TMCC1: variants seen among roughly 807,000 people sequenced by gnomAD.
The protein encoded by TMCC1 is transmembrane and coiled-coil domain family 1, also known as transmembrane and coiled-coil domains protein 1.
A neutral mutation model predicts 52.4 loss-of-function variants in TMCC1; 15 were observed. The observed-to-expected ratio is 0.29, with a 90% CI of 0.19 to 0.44. The LOEUF is 0.44. TMCC1 is among the 20% of genes least tolerant of loss of function. The probability of loss-of-function intolerance (pLI) is 1.00; values close to 1 mark genes in which losing one functional copy is unlikely to be tolerated. For missense variants in TMCC1, 503 were observed against 806.0 expected, an observed-to-expected ratio of 0.62 and a Z score of 4.55; for synonymous variants, 279 against 301.9, an observed-to-expected ratio of 0.92 and a Z score of 0.79.
chr3:129,786,297 C>T (rs1192288673), intron 4 of TMCC1, among the ~76,000 whole-genome samples: 2 of 152,106 alleles, frequency 1.3e-5, no homozygotes, highest in Admixed American at 1.3e-4. Context: ...TCCCTCTCAA[C>T]AAAATATTAT....
chr3:129,666,155 A>T (rs2108874934), intron 5 of TMCC1, among the ~76,000 whole-genome samples: 1 of 152,338 alleles, frequency 6.6e-6, no homozygotes, highest in African/African-American at 2.4e-5. Flanking sequence ...CCTACAACAG[A>T]GTAGAAGTAG....
chr3:129,859,104 A>G (rs1339243830), intron 2 of TMCC1, among the ~76,000 whole-genome samples: 1 of 152,234 alleles, frequency 6.6e-6, no homozygotes, highest in African/African-American at 2.4e-5. Context: ...TTGACTGCTC[A>G]TAGTATAATT....
At chr3:129,707,907 G>A (rs1051829763) in intron 4 of TMCC1, among the ~76,000 whole-genome samples, 2 of 151,818 alleles carry the variant, frequency 1.3e-5, no homozygotes, top group Non-Finnish European at 2.9e-5. Flanking sequence ...ACTCCAGCCT[G>A]GCGACAGAGC....
chr3:129,774,030 T>C (rs1249568455), intron 4 of TMCC1, among the ~76,000 whole-genome samples: 1 of 152,220 alleles, frequency 6.6e-6, no homozygotes, highest in Non-Finnish European at 1.5e-5. Flanking sequence ...AGTTGTCATA[T>C]TGGCACAACA....
chr3:129,751,392 T>C (rs1294162646), intron 4 of TMCC1, among the ~76,000 whole-genome samples: 1 of 151,824 alleles, frequency 6.6e-6, no homozygotes, highest in Non-Finnish European at 1.5e-5. Flanking sequence ...TAGCTGGGCA[T>C]GGTGGCAAGT....
intron 4 of TMCC1, among the ~76,000 whole-genome samples, chr3:129,735,556 G>A (rs537650265): frequency 1.3e-4 from 19 of 151,950 alleles, no homozygotes; most frequent in African/African-American, 4.1e-4. Context: ...GGCTGAGGCG[G>A]GAGGATCTCT....
chr3:129,816,148 AC>A (rs2058085275), intron 4 of TMCC1, among the ~76,000 whole-genome samples: 1 of 152,192 alleles, frequency 6.6e-6, no homozygotes, highest in South Asian at 2.1e-4. Flanking sequence ...GTAAATTAGT[AC>A]AGCCACTATG....
chr3:129,651,625 A>C lies in TMCC1; in HGVS notation c.1818T>G (p.Thr606=). Residue 606 remains threonine (T), a synonymous_variant, in exon 7 of 7, where the codon ACT becomes ACG. Coordinates refer to ENST00000393238, the MANE Select transcript of TMCC1 (RefSeq NM_001017395.5). This position sits in a 1 kb window ranked among gnomAD's most constrained non-coding sequence, Gnocchi z 5.1. ...TGAGGGGGACCACACAGTTGGCTAC[A>C]GTGGAGACAAAGACCAAAAGGACTG... is the stretch of plus-strand genomic sequence containing the variant. ...VMAVLLVFVS[T]VANCVVPLMK... 6.2e-7 allele frequency: 1 copy of C among 1,614,258 alleles called. No individual in the cohort carries two copies.
chr3:129,842,755 C>T (rs995152636), intron 2 of TMCC1, among the ~76,000 whole-genome samples: 11 of 152,052 alleles, frequency 7.2e-5, no homozygotes, highest in Non-Finnish European at 1.5e-4. Flanking sequence ...AGGAAAGTGC[C>T]TCCAAATATG....
chr3:129,715,281 A>G (rs2048991310), intron 4 of TMCC1, among the ~76,000 whole-genome samples: 1 of 152,196 alleles, frequency 6.6e-6, no homozygotes, highest in Admixed American at 6.5e-5. Flanking sequence ...CTCTCTGGCC[A>G]GGCGCGGTGG....
chr3:129,698,251 C>T (rs1380011144), intron 4 of TMCC1, among the ~76,000 whole-genome samples: 1 of 152,140 alleles, frequency 6.6e-6, no homozygotes, highest in East Asian at 1.9e-4. Context: ...AGCAAAGGCA[C>T]GTCTTACTTG....
intron 2 of TMCC1, among the ~76,000 whole-genome samples, chr3:129,851,044 C>T (rs192766230): frequency 9.9e-4 from 151 of 152,354 alleles, no homozygotes; most frequent in African/African-American, 3.4e-3. Flanking sequence ...TGTCACAGTG[C>T]TGCAGAGATT....
chr3:129,707,288 T>C (rs2048321834), intron 4 of TMCC1, among the ~76,000 whole-genome samples: 1 of 152,160 alleles, frequency 6.6e-6, no homozygotes, highest in Non-Finnish European at 1.5e-5. Flanking sequence ...TACATGCTTA[T>C]ATTAAAAAGT....
At chr3:129,732,332 A>G (rs2050608470) in intron 4 of TMCC1, among the ~76,000 whole-genome samples, 1 of 152,122 alleles carries the variant, frequency 6.6e-6, no homozygotes, top group African/African-American at 2.4e-5. Flanking sequence ...ATGTCAGTTA[A>G]GTTTTCAAAG....
At chr3:129,850,763 G>C in intron 2 of TMCC1, among the ~76,000 whole-genome samples, 1 of 152,172 alleles carries the variant, frequency 6.6e-6, no homozygotes, top group Non-Finnish European at 1.5e-5. Context: ...TTTATTAACA[G>C]CAAACCAGTC....
At chr3:129,867,210 C>G (rs2107951096) in intron 2 of TMCC1, 1 of 152,234 alleles carries the variant, frequency 6.6e-6, no homozygotes, top group East Asian at 1.9e-4. Flanking sequence ...AGCTTGTCTC[C>G]AAAAGGTCAG....
At chr3:129,768,870 T>A (rs2054327699) in intron 4 of TMCC1, among the ~76,000 whole-genome samples, 2 of 152,160 alleles carry the variant, frequency 1.3e-5, no homozygotes, top group Admixed American at 6.5e-5. Flanking sequence ...TAGTATGACC[T>A]CCCTAAGGCT....
chr3:129,800,923 C>CTT (rs1459817260), intron 4 of TMCC1, among the ~76,000 whole-genome samples: 2 of 103,320 alleles, frequency 1.9e-5, no homozygotes, highest in Non-Finnish European at 3.7e-5. Context: ...ACATCTCACA[C>CTT]TATTTTTTTT....
chr3:129,869,422 G>A (rs1374607255), intron 2 of TMCC1, among the ~76,000 whole-genome samples: 4 of 151,972 alleles, frequency 2.6e-5, no homozygotes, highest in Non-Finnish European at 4.4e-5. Context: ...GTGAATTAAC[G>A]AACCTGAGGA....
Sources: gnomAD v4.1 joint callset for allele counts (sites outside exome capture counted in the v4.1 genomes callset) on GRCh38, gnomAD v4.1.1 for gene constraint, Gnocchi (gnomAD v3.1) non-coding constraint, MANE v1.5 for transcripts, NCBI Gene and HGNC (gene_info 2026-07-23, HGNC 2026-07-21) for gene names.